The following CAMKMT variants were observed in gnomAD, a reference collection of about 807,000 sequenced individuals.
The protein encoded by CAMKMT is CaM KMT.
CAMKMT carries 53 observed loss-of-function variants against 48.0 expected under a neutral mutation model. That is an observed-to-expected ratio of 1.10 (90% CI 0.89 to 1.39). CAMKMT has a LOEUF of 1.39. Among genes scored for constraint, CAMKMT ranks in the 40% most tolerant of loss-of-function variants. The probability of loss-of-function intolerance (pLI) is 0.00; values close to 1 mark genes in which losing one functional copy is unlikely to be tolerated. For missense variants in CAMKMT, 428 were observed against 402.7 expected, an observed-to-expected ratio of 1.06 and a Z score of -0.54; for synonymous variants, 165 against 152.3, an observed-to-expected ratio of 1.08 and a Z score of -0.61.
At chr2:44,502,601 G>C (rs571324125) in intron 3 of CAMKMT, among the ~76,000 whole-genome samples, 1 of 152,188 alleles carries the variant, frequency 6.6e-6, no homozygotes, top group East Asian at 1.9e-4. Context: ...GCTTTTTAGA[G>C]GAGAACATTT....
chr2:44,414,502 C>G (rs1306223641), intron 3 of CAMKMT, among the ~76,000 whole-genome samples: 1 of 152,148 alleles, frequency 6.6e-6, no homozygotes, highest in Non-Finnish European at 1.5e-5. Flanking sequence ...CCCTGTGGGC[C>G]TTCCATGAGG....
At chr2:44,463,362 A>C (rs562637252) in intron 3 of CAMKMT, among the ~76,000 whole-genome samples, 1 of 152,248 alleles carries the variant, frequency 6.6e-6, no homozygotes, top group South Asian at 2.1e-4. Flanking sequence ...GAATAGTTCT[A>C]TTGAAAGAGA....
At chr2:44,499,548 T>G (rs1669911368) in intron 3 of CAMKMT, among the ~76,000 whole-genome samples, 1 of 152,256 alleles carries the variant, frequency 6.6e-6, no homozygotes, top group African/African-American at 2.4e-5. Flanking sequence ...GTATGTCTTT[T>G]AAATTCTTAT....
chr2:44,600,228 C>G (rs886876454), intron 3 of CAMKMT, among the ~76,000 whole-genome samples: 1 of 151,894 alleles, frequency 6.6e-6, no homozygotes, highest in Non-Finnish European at 1.5e-5. Context: ...CTTCACCATT[C>G]CATTACATAC....
chr2:44,746,467 G>A (rs1462894632), intron 8 of CAMKMT, among the ~76,000 whole-genome samples: 2 of 152,136 alleles, frequency 1.3e-5, no homozygotes, highest in African/African-American at 2.4e-5. Flanking sequence ...TTTCCCAGAA[G>A]AGACAGTCTG....
chr2:44,667,192 T>C (rs1180180080), intron 3 of CAMKMT, among the ~76,000 whole-genome samples: 1 of 152,192 alleles, frequency 6.6e-6, no homozygotes, highest in Non-Finnish European at 1.5e-5. Flanking sequence ...ATCCAACAGT[T>C]CCCTGAGGGC....
chr2:44,603,395 C>A (rs536040879), intron 3 of CAMKMT, among the ~76,000 whole-genome samples: 1 of 152,202 alleles, frequency 6.6e-6, no homozygotes, highest in Non-Finnish European at 1.5e-5. Context: ...GGACCCCCAA[C>A]CTATATTTTA....
At chr2:44,474,836 G>A (rs188491199) in intron 3 of CAMKMT, among the ~76,000 whole-genome samples, 26 of 152,178 alleles carry the variant, frequency 1.7e-4, no homozygotes, top group Admixed American at 9.2e-4. Context: ...CTCTATTTCC[G>A]TTTTTGCTCT....
intron 3 of CAMKMT, among the ~76,000 whole-genome samples, chr2:44,524,953 G>C (rs1671321803): frequency 7.7e-6 from 1 of 130,006 alleles, no homozygotes; most frequent in African/African-American, 2.8e-5. Flanking sequence ...CTCTCCATAA[G>C]TGCAAATTTC....
chr2:44,468,602 G>T (rs1572583722), intron 3 of CAMKMT, among the ~76,000 whole-genome samples: 1 of 152,282 alleles, frequency 6.6e-6, no homozygotes, highest in Non-Finnish European at 1.5e-5. Context: ...ATCAATCTGT[G>T]TTCATCTAGA....
At chr2:44,742,935 TA>T (rs1438392814) in intron 7 of CAMKMT, among the ~76,000 whole-genome samples, 1 of 152,216 alleles carries the variant, frequency 6.6e-6, no homozygotes, top group Non-Finnish European at 1.5e-5. Flanking sequence ...AATACTTGAA[TA>T]TGGTAAAATG....
At chr2:44,377,972 T>C (rs1679862807) in intron 2 of CAMKMT, among the ~76,000 whole-genome samples, 1 of 152,202 alleles carries the variant, frequency 6.6e-6, no homozygotes, top group Non-Finnish European at 1.5e-5. Flanking sequence ...CAGATTATTT[T>C]TGTATGTGTA....
intron 3 of CAMKMT, among the ~76,000 whole-genome samples, chr2:44,526,816 A>G (rs1666136690): frequency 6.6e-6 from 1 of 152,144 alleles, no homozygotes. Flanking sequence ...CCCTTAGTTT[A>G]TGCATAAAAT....
chr2:44,615,627 T>A (rs1284333233), intron 3 of CAMKMT, among the ~76,000 whole-genome samples: 1 of 152,134 alleles, frequency 6.6e-6, no homozygotes, highest in Non-Finnish European at 1.5e-5. Flanking sequence ...TGGGGAATAT[T>A]ACATTTGAGG....
At chr2:44,729,446 G>T (rs1011193186) in intron 7 of CAMKMT, among the ~76,000 whole-genome samples, 3 of 152,182 alleles carry the variant, frequency 2.0e-5, no homozygotes, top group African/African-American at 7.2e-5. Flanking sequence ...GATGGCTCAG[G>T]GTGGTACGGT....
chr2:44,521,696 A>G (rs1671121515), intron 3 of CAMKMT, among the ~76,000 whole-genome samples: 1 of 152,216 alleles, frequency 6.6e-6, no homozygotes, highest in Admixed American at 6.5e-5. Flanking sequence ...ATCTCCCTGC[A>G]GATCCCATGC....
At chr2:44,677,274 G>A (rs952226064) in intron 3 of CAMKMT, among the ~76,000 whole-genome samples, 1 of 152,316 alleles carries the variant, frequency 6.6e-6, no homozygotes, top group Non-Finnish European at 1.5e-5. Flanking sequence ...TGTGCCAGGA[G>A]TTTTAACAGG....
intron 2 of CAMKMT, among the ~76,000 whole-genome samples, chr2:44,379,765 T>G (rs1680056749): frequency 6.6e-6 from 1 of 152,082 alleles, no homozygotes; most frequent in Non-Finnish European, 1.5e-5. Context: ...CTGCTTTTTT[T>G]TTAATGTTTT....
At chr2:44,482,334 A>G (rs898964778) in intron 3 of CAMKMT, among the ~76,000 whole-genome samples, 10 of 152,190 alleles carry the variant, frequency 6.6e-5, no homozygotes, top group Admixed American at 6.5e-5. Context: ...TAATAAACTT[A>G]ATCTTAAACA....
Sources: gnomAD v4.1 joint callset for allele counts (sites outside exome capture counted in the v4.1 genomes callset) on GRCh38, gnomAD v4.1.1 for gene constraint, MANE v1.5 for transcripts, NCBI Gene and HGNC (gene_info 2026-07-23, HGNC 2026-07-21) for gene names.